NLK: variants seen among roughly 807,000 people sequenced by gnomAD.
NLK encodes the protein serine/threonine-protein kinase NLK.
In NLK, 11 loss-of-function variants were observed where a neutral mutation model predicts 59.0. That is an observed-to-expected ratio of 0.19 (90% CI 0.12 to 0.31). The LOEUF is 0.31. Ranked by LOEUF, NLK falls within the 10% of genes least tolerant of loss-of-function variation. The probability of loss-of-function intolerance (pLI) is 1.00; values close to 1 mark genes in which losing one functional copy is unlikely to be tolerated. For synonymous variants in NLK, 235 were observed against 235.9 expected (o/e 1.00, Z 0.03); for missense variants, 410 against 661.1 (o/e 0.62, Z 4.16).
At chr17:28,192,283 G>T in intron 10 of NLK, 70 bp downstream of exon 10, 1 of 828,996 alleles carries the variant, frequency 1.2e-6, no homozygotes, top group South Asian at 1.6e-5. Context: ...TCATTATTCA[G>T]CATATTTGTT....
At chr17:28,148,516 C>G (rs994882057) in intron 3 of NLK, among the ~76,000 whole-genome samples, 1 of 152,140 alleles carries the variant, frequency 6.6e-6, no homozygotes, top group Non-Finnish European at 1.5e-5. Flanking sequence ...GAAAGAGACA[C>G]TGAGACAAAG....
chr17:28,119,682 G>A (rs533691406), intron 1 of NLK, among the ~76,000 whole-genome samples: 1 of 152,128 alleles, frequency 6.6e-6, no homozygotes, highest in Non-Finnish European at 1.5e-5. Context: ...TAAAGTTAAT[G>A]GATCAAAGTT....
chr17:28,140,630 G>T (rs1162455849), intron 3 of NLK, among the ~76,000 whole-genome samples: 1 of 152,054 alleles, frequency 6.6e-6, no homozygotes, highest in Admixed American at 6.6e-5. Context: ...ACAAAATATG[G>T]TTGTTGCCAT....
chr17:28,151,280 C>T (rs1907469035), intron 3 of NLK, among the ~76,000 whole-genome samples: 1 of 151,956 alleles, frequency 6.6e-6, no homozygotes, highest in Non-Finnish European at 1.5e-5. Context: ...TCTGCTAGAG[C>T]AAAGCAAAAA....
At chr17:28,111,055 A>G (rs976689666) in intron 1 of NLK, among the ~76,000 whole-genome samples, 3 of 152,050 alleles carry the variant, frequency 2.0e-5, no homozygotes, top group Non-Finnish European at 4.4e-5. Context: ...CGTTTTAGCC[A>G]GGATGGTCTC....
intron 3 of NLK, among the ~76,000 whole-genome samples, chr17:28,135,665 G>A (rs1287143554): frequency 6.6e-6 from 1 of 152,238 alleles, no homozygotes; most frequent in African/African-American, 2.4e-5. Flanking sequence ...TAGGCCATAT[G>A]TGAAGAAAGA....
At chr17:28,138,298 A>G (rs899775162) in intron 3 of NLK, among the ~76,000 whole-genome samples, 7 of 152,238 alleles carry the variant, frequency 4.6e-5, no homozygotes, top group East Asian at 1.9e-4. Context: ...TGAGTCTTCT[A>G]TGCTAGAAGC....
chr17:28,184,998 G>C (rs1429800006), intron 7 of NLK, among the ~76,000 whole-genome samples, 181 bp from the exon 8 acceptor site: 1 of 151,894 alleles, frequency 6.6e-6, no homozygotes, highest in South Asian at 2.1e-4. Flanking sequence ...AAAATGCTAC[G>C]GGAAGTTAGT....
intron 1 of NLK, among the ~76,000 whole-genome samples, chr17:28,057,350 G>T (rs1343272687): frequency 6.6e-6 from 1 of 152,216 alleles, no homozygotes; most frequent in African/African-American, 2.4e-5. Flanking sequence ...TGTGGTCACT[G>T]CATCAACTCA....
intron 2 of NLK, 42 bp from the exon 3 acceptor site, chr17:28,132,577 CT>C: frequency 6.7e-7 from 1 of 1,500,292 alleles, no homozygotes. Flanking sequence ...ATTTTGTTTC[CT>C]TTTTTGTTCT....
At chr17:28,183,722 G>A (rs894811967) in intron 7 of NLK, among the ~76,000 whole-genome samples, 1 of 151,926 alleles carries the variant, frequency 6.6e-6, no homozygotes, top group African/African-American at 2.4e-5. Context: ...TAGACGGCAG[G>A]TCTAAAACCC....
At chr17:28,047,781 C>G in intron 1 of NLK, 1 of 388,980 alleles carries the variant, frequency 2.6e-6, no homozygotes, top group Non-Finnish European at 4.5e-6. Context: ...TTGTCTGGTC[C>G]TCTTACTCCA....
chr17:28,075,670 A>C (rs1910141192), intron 1 of NLK, among the ~76,000 whole-genome samples: 1 of 152,178 alleles, frequency 6.6e-6, no homozygotes, highest in Non-Finnish European at 1.5e-5. Flanking sequence ...GGCTACTATA[A>C]AGCCCAGAGT....
chr17:28,079,374 T>C (rs1225886389), intron 1 of NLK, among the ~76,000 whole-genome samples: 2 of 152,230 alleles, frequency 1.3e-5, no homozygotes, highest in African/African-American at 4.8e-5. Flanking sequence ...TTTGGATATA[T>C]GTCAATAAGT....
chr17:28,200,470 A>G (rs1483635657), downstream of NLK, among the ~76,000 whole-genome samples: 2 of 152,072 alleles, frequency 1.3e-5, no homozygotes, highest in African/African-American at 4.8e-5. Context: ...ATTTTACTTT[A>G]TGTTACTTTA....
At chr17:28,072,327 C>CTTTTTTTTTT (rs56146394) in intron 1 of NLK, among the ~76,000 whole-genome samples, 2 of 132,750 alleles carry the variant, frequency 1.5e-5, no homozygotes, top group East Asian at 2.1e-4. Flanking sequence ...TCTTCTTTTT[C>CTTTTTTTTTT]TTTTTTTTTT....
chr17:28,144,434 C>G (rs933036002), intron 3 of NLK, among the ~76,000 whole-genome samples: 1 of 148,402 alleles, frequency 6.7e-6, no homozygotes, highest in Non-Finnish European at 1.5e-5. Context: ...TGAATCTAGT[C>G]TTTTCACCTC....
chr17:28,061,127 TC>T (rs1909618670), intron 1 of NLK, among the ~76,000 whole-genome samples: 1 of 152,160 alleles, frequency 6.6e-6, no homozygotes, highest in Non-Finnish European at 1.5e-5. Flanking sequence ...GCTCAAGCGA[TC>T]CTCCACAGCC....
intron 1 of NLK, among the ~76,000 whole-genome samples, chr17:28,118,754 A>T (rs570987591): frequency 2.6e-5 from 4 of 152,344 alleles, no homozygotes; most frequent in African/African-American, 9.6e-5. Flanking sequence ...GGCTTTTTAA[A>T]AAACAGTTGA....
Sources: gnomAD v4.1 joint callset for allele counts (sites outside exome capture counted in the v4.1 genomes callset) on GRCh38, gnomAD v4.1.1 for gene constraint, MANE v1.5 for transcripts, NCBI Gene and HGNC (gene_info 2026-07-23, HGNC 2026-07-21) for gene names.